The following CDK14 variants were observed in gnomAD, a reference collection of about 807,000 sequenced individuals.
CDK14 encodes cyclin-dependent kinase 14.
A neutral mutation model predicts 60.7 loss-of-function variants in CDK14; 34 were observed. That is an observed-to-expected ratio of 0.56 (90% CI 0.43 to 0.75). CDK14 has a LOEUF of 0.75. Among genes scored for constraint, CDK14 ranks in the 30% least tolerant of loss-of-function variants. The pLI is 0.00. For synonymous variants in CDK14, 197 were observed against 203.7 expected (o/e 0.97, Z 0.28); for missense variants, 482 against 564.1 (o/e 0.85, Z 1.47).
intron 9 of CDK14, among the ~76,000 whole-genome samples, chr7:90,962,505 C>T (rs1361737217): frequency 2.6e-5 from 4 of 151,556 alleles, no homozygotes; most frequent in Non-Finnish European, 5.9e-5. Flanking sequence ...AAAAAAAAGT[C>T]TAGTGTGGTT....
At chr7:91,126,707 C>G (rs1799958546) in intron 14 of CDK14, among the ~76,000 whole-genome samples, 1 of 152,186 alleles carries the variant, frequency 6.6e-6, no homozygotes, top group Non-Finnish European at 1.5e-5. Context: ...GCCAGGCATT[C>G]AGTTGTGTCC....
rs796093975 is a variant in CDK14 at position 90,598,704 on chromosome 7, A to ATT, written c.91+2003_91+2004dup. Among the ~76,000 whole-genome samples, 59 of 87,890 alleles carry ATT rather than the reference A, an allele frequency of 6.7e-4. 11 individuals are homozygous for ATT. Among genetic ancestry groups the ATT allele is most frequent in the Non-Finnish European group, 1.0e-3 (45 of 43,730 alleles). 57.7% of individuals were successfully genotyped at this position (87,890 alleles called of 152,430 possible). Reference sequence around the variant, plus strand: ...GTGAACTCATTCTGATTATCTAAGGATTTTTTTTTTTTTTTTTTGAGACGG... The same window carrying ATT: ...GTGAACTCATTCTGATTATCTAAGGATTTTTTTTTTTTTTTTTTTTGAGACGG... On this transcript the variant is annotated intron_variant, in intron 1 of 14. Coordinates refer to ENST00000380050, the MANE Select transcript of CDK14 (RefSeq NM_001287135.2).
intron 6 of CDK14, among the ~76,000 whole-genome samples, chr7:90,868,484 G>A (rs1791260585): frequency 6.6e-6 from 1 of 151,952 alleles, no homozygotes; most frequent in Admixed American, 6.6e-5. Flanking sequence ...CAATAAAGCT[G>A]TGAAACAAAG....
chr7:90,698,698 T>G (rs1306168067), intron 2 of CDK14, among the ~76,000 whole-genome samples: 1 of 152,178 alleles, frequency 6.6e-6, no homozygotes, highest in Non-Finnish European at 1.5e-5. Context: ...ATTTGAAGAG[T>G]TATTTGCTTG....
chr7:90,895,367 TCCC>T lies in CDK14; in HGVS notation c.640-3922_640-3920del, dbSNP rs1314472164. Among the ~76,000 whole-genome samples the T allele has an allele frequency of 9.9e-3, 54 of 5,450 alleles. 1 individual carries two copies. Among genetic ancestry groups the T allele is most frequent in the South Asian group, 0.054 (4 of 74 alleles). 3.6% of individuals were successfully genotyped at this position (5,450 alleles called of 152,430 possible). ...TCTCCTCTCCTCTCCTCACCTCTCCTCCCCTCCCCTCTCCTCTCCTCTCCTCTC... is the reference window on the plus strand; with the variant it reads ...TCTCCTCTCCTCTCCTCACCTCTCCTCTCCCCTCTCCTCTCCTCTCCTCTC... On this transcript the variant is annotated intron_variant, in intron 6 of 14. Transcript: ENST00000380050.
intron 12 of CDK14, among the ~76,000 whole-genome samples, chr7:91,081,853 TAGAA>T (rs533251181): frequency 1.6e-4 from 24 of 151,866 alleles, no homozygotes; most frequent in East Asian, 1.4e-3. Context: ...AAAAGAATAA[TAGAA>T]AGAAGAAATC....
At chr7:91,203,637 T>C (rs547609037) in intron 14 of CDK14, among the ~76,000 whole-genome samples, 2 of 152,264 alleles carry the variant, frequency 1.3e-5, no homozygotes, top group East Asian at 1.9e-4. Context: ...CAAGCAGATA[T>C]CAGGACAGAC....
chr7:90,897,345 T>C (rs548814276), intron 6 of CDK14, among the ~76,000 whole-genome samples: 1 of 152,226 alleles, frequency 6.6e-6, no homozygotes, highest in East Asian at 1.9e-4. Context: ...TTTTAAAAAC[T>C]GAGATTTTAC....
At chr7:91,154,505 C>A (rs1373868933) in intron 14 of CDK14, among the ~76,000 whole-genome samples, 1 of 152,048 alleles carries the variant, frequency 6.6e-6, no homozygotes. Flanking sequence ...GTTGCTGGTA[C>A]ATATTGCCAC....
chr7:90,877,041 AGTT>A (rs1791585409), intron 6 of CDK14, among the ~76,000 whole-genome samples: 1 of 152,120 alleles, frequency 6.6e-6, no homozygotes, highest in Admixed American at 6.5e-5. Context: ...TTGGCTGGTT[AGTT>A]GTTGGTTTGT....
chr7:91,183,986 G>C (rs918490689), intron 14 of CDK14, among the ~76,000 whole-genome samples: 1 of 152,086 alleles, frequency 6.6e-6, no homozygotes, highest in Non-Finnish European at 1.5e-5. Context: ...CTTGAGGCCA[G>C]GAGTTCAAGA....
At chr7:90,737,628 A>G (rs886103758) in intron 3 of CDK14, among the ~76,000 whole-genome samples, 4 of 151,522 alleles carry the variant, frequency 2.6e-5, no homozygotes, top group Non-Finnish European at 5.9e-5. Flanking sequence ...TTACCTATCA[A>G]TGATGCATTA....
intron 10 of CDK14, among the ~76,000 whole-genome samples, chr7:91,003,730 G>A (rs1002767115): frequency 2.6e-5 from 4 of 152,126 alleles, no homozygotes; most frequent in Non-Finnish European, 4.4e-5. Flanking sequence ...CCTGTTACAT[G>A]GCCAGAACAA....
rs1804119665 is a variant in CDK14 at position 90,757,355 on chromosome 7, A to G, written c.464+9580A>G. On this transcript the variant is annotated intron_variant, in intron 4 of 14. Coordinates refer to ENST00000380050, the MANE Select transcript of CDK14 (RefSeq NM_001287135.2). ...CATTTTGATTTGATTGCCTCCATAA[A>G]TGACTCATTTCAAAAAAAAATGCAT... Among the ~76,000 whole-genome samples, 4 of 114,724 alleles carry G rather than the reference A, an allele frequency of 3.5e-5. No individual in the cohort carries two copies. In the South Asian group the frequency reaches 1.2e-3, roughly 35 times the overall value. The allele number at this position is 114,724 out of a possible 152,430, so 75.3% of individuals were successfully genotyped here.
chr7:90,970,889 C>T (rs1297267654), intron 9 of CDK14, among the ~76,000 whole-genome samples: 1 of 152,022 alleles, frequency 6.6e-6, no homozygotes, highest in African/African-American at 2.4e-5. Context: ...CTTGTGTGTA[C>T]TCCTCAGACT....
chr7:90,858,741 C>T (rs1410056545), intron 5 of CDK14, among the ~76,000 whole-genome samples: 1 of 152,140 alleles, frequency 6.6e-6, no homozygotes, highest in East Asian at 1.9e-4. Context: ...GTGTGCACCT[C>T]AGAAGACTGG....
At chr7:90,866,261 C>T (rs1281180409) in intron 6 of CDK14, among the ~76,000 whole-genome samples, 3 of 151,638 alleles carry the variant, frequency 2.0e-5, no homozygotes, top group South Asian at 2.1e-4. Flanking sequence ...CACACACACA[C>T]ACACACACAC....
intron 4 of CDK14, among the ~76,000 whole-genome samples, chr7:90,769,610 G>A (rs1390583449): frequency 3.9e-5 from 6 of 152,038 alleles, no homozygotes; most frequent in African/African-American, 1.4e-4. Flanking sequence ...GGAATTACAG[G>A]CATGTGCCAC....
rs1026372472 is a variant in CDK14, at chr7:91,140,815, T to C, written c.*28+22607T>C. Among the ~76,000 whole-genome samples, 10 of 152,212 alleles carry C rather than the reference T, an allele frequency of 6.6e-5. No homozygotes were observed. The East Asian group carries it at 1.9e-3, about 29-fold the overall frequency. ...ACAAGTACTCAGTGACTGTTATGAA[T>C]TCCAAATTTCATGAAGTCTGTATAA... On this transcript the variant is annotated intron_variant, in intron 14 of 14. Transcript: ENST00000380050.
Sources: allele counts gnomAD v4.1 joint callset (sites outside exome capture counted in the v4.1 genomes callset), GRCh38; gene constraint gnomAD v4.1.1; transcripts MANE v1.5; gene names NCBI Gene and HGNC (gene_info 2026-07-23, HGNC 2026-07-21).